Variants in PDE6C observed in about 807,000 individuals in gnomAD.
PDE6C encodes the protein phosphodiesterase 6C.
In PDE6C, 75 loss-of-function variants were observed where a neutral mutation model predicts 113.1. The observed-to-expected ratio is 0.66, with a 90% CI of 0.55 to 0.80. The LOEUF (loss-of-function observed/expected upper bound fraction) is 0.80. Among genes scored for constraint, PDE6C ranks in the 30% least tolerant of loss-of-function variants. The pLI is 0.00. For missense variants in PDE6C, 912 were observed against 1,038.6 expected (o/e 0.88, Z 1.67); for synonymous variants, 375 against 363.7 (o/e 1.03, Z -0.35).
At chr10:93,644,908 T>TAC (rs386372131) in intron 14 of PDE6C, among the ~76,000 whole-genome samples, 3 of 147,244 alleles carry the variant, frequency 2.0e-5, no homozygotes, top group Non-Finnish European at 4.5e-5. Flanking sequence ...ATAGTATATA[T>TAC]ACACTATATC....
intron 10 of PDE6C, among the ~76,000 whole-genome samples, chr10:93,636,128 CCTT>C (rs2058527966): frequency 6.6e-6 from 1 of 152,106 alleles, no homozygotes; most frequent in African/African-American, 2.4e-5. Context: ...TGATAGATGT[CCTT>C]CTCACAAAGA....
At chr10:93,621,877 A>C (rs764710897) in intron 3 of PDE6C, 55 bp from the exon 4 acceptor site, 13 of 1,506,844 alleles carry the variant, frequency 8.6e-6, no homozygotes, top group South Asian at 3.4e-5. Flanking sequence ...TGAATGCTCT[A>C]TCTCTCCATA....
At chr10:93,665,217 T>G (rs2058684751) in intron 21 of PDE6C, 143 bp from the exon 22 acceptor site, 2 of 726,050 alleles carry the variant, frequency 2.8e-6, no homozygotes, top group Non-Finnish European at 2.5e-6. Flanking sequence ...ATTCAAGTTT[T>G]TACATGGTCA....
chr10:93,616,124 G>C (rs2058418306), intron 1 of PDE6C, among the ~76,000 whole-genome samples: 1 of 152,146 alleles, frequency 6.6e-6, no homozygotes, highest in African/African-American at 2.4e-5. Context: ...CTCTGACAAG[G>C]GTCATATTTT....
At chr10:93,648,230 C>T (rs1402826489) in intron 15 of PDE6C, among the ~76,000 whole-genome samples, 1 of 151,848 alleles carries the variant, frequency 6.6e-6, no homozygotes, top group Non-Finnish European at 1.5e-5. Context: ...TATATAAAGA[C>T]TTATTATTCT....
At chr10:93,644,416 C>T (rs768092322) in intron 14 of PDE6C, among the ~76,000 whole-genome samples, 4 of 152,046 alleles carry the variant, frequency 2.6e-5, no homozygotes, top group Non-Finnish European at 5.9e-5. Context: ...TAAAAATATA[C>T]ATTTTAAATT....
intron 15 of PDE6C, 88 bp from the exon 16 acceptor site, chr10:93,655,672 C>T: frequency 1.9e-6 from 1 of 517,342 alleles, no homozygotes; most frequent in Non-Finnish European, 3.7e-6. Flanking sequence ...TGTTGAAAGA[C>T]TTTTAGATTT....
chr10:93,640,155 A>G lies in PDE6C; in HGVS notation c.1568A>G (p.Lys523Arg), dbSNP rs996893439. Residue 523 changes from lysine to arginine, a missense_variant, in exon 12 of 22, where the codon AAA becomes AGA. Lys to Arg is a conservative substitution (Grantham distance 26). Transcript: ENST00000371447. ...DFPLTEHGLIKCGIRLFFEIN... is the reference protein window; with the variant it reads ...DFPLTEHGLIRCGIRLFFEIN... ...CCCCTTACAGAGCACGGATTGATTAAATGTGGAATACGACTGTTTTTTGAA... is the reference window on the plus strand; with the variant it reads ...CCCCTTACAGAGCACGGATTGATTAGATGTGGAATACGACTGTTTTTTGAA... 13 of 1,613,680 alleles carry G rather than the reference A, an allele frequency of 8.1e-6. No individual in the cohort carries two copies. The highest frequency in any genetic ancestry group is 1.1e-5 in the Non-Finnish European group (13 of 1,179,580).
At chr10:93,654,800 TTCTTTCTTTC>T (rs2058627801) in intron 15 of PDE6C, among the ~76,000 whole-genome samples, 2 of 90,482 alleles carry the variant, frequency 2.2e-5, no homozygotes, top group African/African-American at 3.4e-5. Flanking sequence ...CTTTCTTTCT[TTCTTTCTTTC>T]TTTTTTTTTT....
chr10:93,642,984 C>T lies in PDE6C; in HGVS notation c.1847+1955C>T, dbSNP rs114811648. Among the ~76,000 whole-genome samples, 164 of 152,302 alleles carry T rather than the reference C, an allele frequency of 1.1e-3. 2 individuals are homozygous for T. The highest frequency in any genetic ancestry group is 3.6e-3 in the African/African-American group (151 of 41,568). On this transcript the variant is annotated intron_variant, in intron 14 of 21. Transcript: ENST00000371447. Reference sequence around the variant, plus strand: ...GTCCCCTGACAGTCACTGAAGTCCTCGTCCTCCTTCTTGATCAGTAGTATA... The same window carrying T: ...GTCCCCTGACAGTCACTGAAGTCCTTGTCCTCCTTCTTGATCAGTAGTATA...
At chr10:93,665,139 G>T (rs376994102) in intron 21 of PDE6C, among the ~76,000 whole-genome samples, 1 of 152,194 alleles carries the variant, frequency 6.6e-6, no homozygotes, top group African/African-American at 2.4e-5. Flanking sequence ...AAAGTGCTGG[G>T]ATTACAGGCA....
intron 8 of PDE6C, among the ~76,000 whole-genome samples, chr10:93,632,735 G>T (rs2058507588): frequency 6.6e-6 from 1 of 152,188 alleles, no homozygotes; most frequent in Non-Finnish European, 1.5e-5. Flanking sequence ...TTCCAAAGAT[G>T]CAGGCTTTGC....
chr10:93,642,444 C>A (rs1264180798), intron 14 of PDE6C, among the ~76,000 whole-genome samples: 2 of 152,128 alleles, frequency 1.3e-5, no homozygotes, highest in Non-Finnish European at 2.9e-5. Context: ...ATTCATTCAC[C>A]AGTATTGCTC....
chr10:93,653,443 G>A (rs184636536), intron 15 of PDE6C, among the ~76,000 whole-genome samples: 3 of 152,286 alleles, frequency 2.0e-5, no homozygotes, highest in Admixed American at 2.0e-4. Context: ...AGGAGTTTGA[G>A]ACTAGCCTGG....
In PDE6C at chr10:93,635,632, T is replaced by G; in HGVS notation, c.1405T>G (p.Ser469Ala). ...QTKATPEEIK[S>A]ILKFQEKLNV... ...CAAAGCCACTCCTGAAGAAATTAAG[T>G]CCATTTTGGTAAGTGGGAAATTCAG... is the stretch of plus-strand genomic sequence containing the variant. The change falls in exon 10 of 22, where the codon TCC (serine) becomes GCC (alanine). Residue 469 changes from serine (S) to alanine (A), a missense_variant. Ser to Ala is a moderately conservative substitution (Grantham distance 99, BLOSUM62 1). Coordinates refer to ENST00000371447, the MANE Select transcript of PDE6C (RefSeq NM_006204.4). 1 of 1,613,908 alleles carries G rather than the reference T, an allele frequency of 6.2e-7. No homozygotes were observed. The highest frequency in any genetic ancestry group is 8.5e-7 in the Non-Finnish European group (1 of 1,179,824).
intron 10 of PDE6C, 40 bp from the exon 11 acceptor site, chr10:93,636,955 C>A: frequency 9.6e-7 from 1 of 1,045,382 alleles, no homozygotes; most frequent in South Asian, 1.3e-5. Flanking sequence ...GAAATCTTCT[C>A]CTTTAGGAAT....
chr10:93,622,508 G>GT (rs1447633695), intron 4 of PDE6C, among the ~76,000 whole-genome samples: 1 of 151,878 alleles, frequency 6.6e-6, no homozygotes, highest in African/African-American at 2.4e-5. Flanking sequence ...AGTTCTCTGG[G>GT]TTTTGACAAA....
In PDE6C at chr10:93,614,467, C is replaced by A. The variant is rs191053403; in HGVS notation, c.480+1262C>A. Among the ~76,000 whole-genome samples, 6 of 152,270 alleles carry A rather than the reference C, an allele frequency of 3.9e-5. No homozygotes were observed. In the East Asian group the frequency reaches 1.2e-3, roughly 29 times the overall value. The stretch of plus-strand genomic sequence containing the variant: ...CTTTTGAGCCTGACTGCAGCTGCTT[C>A]AAGTGTCTAAATGGATGCTCATCCT... On this transcript the variant is annotated intron_variant, in intron 1 of 21. Transcript: ENST00000371447.
chr10:93,623,703 T>G lies in PDE6C; in HGVS notation c.864+1631T>G, dbSNP rs143049237. On this transcript the variant is annotated intron_variant, in intron 4 of 21. Coordinates refer to ENST00000371447, the MANE Select transcript of PDE6C (RefSeq NM_006204.4). ...AGATGTTCAGTTGTTCCAACAAAAT[T>G]TGTTGAAAAGACTATCCTTTGTTCA... is the stretch of plus-strand genomic sequence containing the variant. 4.6e-5 allele frequency among the ~76,000 whole-genome samples: 7 copies of G among 152,352 alleles called. No homozygotes were observed. In the East Asian group the frequency reaches 7.7e-4, roughly 17 times the overall value.
Sources: allele counts gnomAD v4.1 joint callset (sites outside exome capture counted in the v4.1 genomes callset), GRCh38; gene constraint gnomAD v4.1.1; transcripts MANE v1.5; gene names NCBI Gene and HGNC (gene_info 2026-07-23, HGNC 2026-07-21).